Variants in IGSF23 observed in about 807,000 individuals in gnomAD.
IGSF23 encodes immunoglobulin superfamily member 23.
In IGSF23, 14 loss-of-function variants were observed where a neutral mutation model predicts 17.8. The observed-to-expected ratio is 0.79, with a 90% confidence interval of 0.52 to 1.23. The LOEUF is 1.23. IGSF23 is among the 50% of genes most tolerant of loss of function. The probability of loss-of-function intolerance (pLI) is 0.00; values close to 1 mark genes in which losing one functional copy is unlikely to be tolerated. For synonymous variants in IGSF23, 85 were observed against 92.5 expected (o/e 0.92, Z 0.46); for missense variants, 214 against 241.7 (o/e 0.89, Z 0.76).
At chr19:44,635,191 T>C in intron 3 of IGSF23, among the ~76,000 whole-genome samples, 1 of 152,180 alleles carries the variant, frequency 6.6e-6, no homozygotes, top group African/African-American at 2.4e-5. Flanking sequence ...TTCCTCTTCT[T>C]GTAAGGATAC....
intron 3 of IGSF23, among the ~76,000 whole-genome samples, chr19:44,631,324 A>G (rs1029317342): frequency 3.5e-4 from 53 of 152,192 alleles, no homozygotes; most frequent in Admixed American, 2.1e-3. Flanking sequence ...ACAGTGGCTC[A>G]TGCCTGTAAT....
Position 44,620,296 on chromosome 19 carries a change from C to T in IGSF23, c.126-3411C>T, listed in dbSNP as rs576195510. ...CTCCCCTCCCAGAGAATTTATGGAC[C>T]GCTGAGGTTCATCCATCTGTATTTC... On this transcript the variant is annotated intron_variant, in intron 1 of 4. Coordinates refer to ENST00000402988, the MANE Select transcript of IGSF23 (RefSeq NM_001205280.2). Among the ~76,000 whole-genome samples the T allele has an allele frequency of 6.6e-5, 10 of 151,454 alleles. No individual in the cohort carries two copies. The South Asian group carries it at 8.4e-4, about 13-fold the overall frequency.
chr19:44,617,078 G>T (rs952763130), intron 1 of IGSF23, among the ~76,000 whole-genome samples: 5 of 151,782 alleles, frequency 3.3e-5, no homozygotes, highest in African/African-American at 7.3e-5. Flanking sequence ...TTTTATTTTT[G>T]TAGAGACAGG....
chr19:44,630,441 C>T (rs539971348), intron 3 of IGSF23, among the ~76,000 whole-genome samples: 1 of 152,370 alleles, frequency 6.6e-6, no homozygotes, highest in African/African-American at 2.4e-5. Flanking sequence ...CAAGGACACA[C>T]AGCGAATGAA....
intron 1 of IGSF23, chr19:44,614,119 A>C: frequency 1.7e-6 from 1 of 583,068 alleles, no homozygotes; most frequent in Non-Finnish European, 2.9e-6. Context: ...TCAGGCACCC[A>C]ACTCATGAGA....
At chr19:44,634,324 C>A (rs372692133) in intron 3 of IGSF23, among the ~76,000 whole-genome samples, 25 of 152,308 alleles carry the variant, frequency 1.6e-4, no homozygotes, top group African/African-American at 6.0e-4. Flanking sequence ...ATATTTCAGA[C>A]TCAGCAGTTT....
At chr19:44,614,914 C>T (rs1276985104) in intron 1 of IGSF23, among the ~76,000 whole-genome samples, 1 of 152,174 alleles carries the variant, frequency 6.6e-6, no homozygotes, top group Non-Finnish European at 1.5e-5. Context: ...GATGGGCTGG[C>T]TTCCCAGACC....
rs953871371 is a variant in IGSF23, at chr19:44,623,801, A to G, written c.220A>G (p.Thr74Ala). Reference protein sequence around the residue: ...NYSVILQWVVTMDPEPVLSWT... With the variant: ...NYSVILQWVVAMDPEPVLSWT... ...TTCTGTGATCCTGCAGTGGGTGGTG[A>G]CAATGGACCCTGAGCCTGTGCTGAG... is the stretch of plus-strand genomic sequence containing the variant. Residue 74 changes from threonine (T) to alanine (A), a missense_variant, in exon 2 of 5, where the codon ACA (threonine) becomes GCA (alanine). By Grantham distance (58) the Thr-to-Ala change is moderately conservative. Transcript: ENST00000402988. 1.4e-5 allele frequency: 22 copies of G among 1,550,822 alleles called. No individual in the cohort carries two copies. Among genetic ancestry groups the G allele is most frequent in the Non-Finnish European group, 1.8e-5 (21 of 1,147,072 alleles).
chr19:44,629,619 T>C (rs1246789867), intron 3 of IGSF23, among the ~76,000 whole-genome samples: 1 of 149,776 alleles, frequency 6.7e-6, no homozygotes, highest in African/African-American at 2.5e-5. Context: ...ATTGAGCACC[T>C]ATTATATGCT....
chr19:44,628,850 G>C (rs1972709770), intron 3 of IGSF23, among the ~76,000 whole-genome samples: 1 of 152,172 alleles, frequency 6.6e-6, no homozygotes, highest in Admixed American at 6.5e-5. Flanking sequence ...ATTGTGGAGT[G>C]GGGTGGCATT....
intron 2 of IGSF23, among the ~76,000 whole-genome samples, chr19:44,624,938 G>A (rs1972612397): frequency 6.7e-6 from 1 of 149,284 alleles, no homozygotes; most frequent in African/African-American, 2.5e-5. Flanking sequence ...AATTTAATCA[G>A]GCATGGTAAT....
At chr19:44,627,342 G>A in intron 2 of IGSF23, 78 bp from the exon 3 acceptor site, 2 of 1,363,546 alleles carry the variant, frequency 1.5e-6, no homozygotes, top group Non-Finnish European at 2.0e-6. Context: ...CACTTGGGAG[G>A]GGGAATGGCA....
At chr19:44,633,607 G>A (rs1466804539) in intron 3 of IGSF23, among the ~76,000 whole-genome samples, 1 of 152,086 alleles carries the variant, frequency 6.6e-6, no homozygotes, top group Admixed American at 6.6e-5. Context: ...TATACTTCAG[G>A]GGCTTTACCA....
intron 4 of IGSF23, among the ~76,000 whole-genome samples, chr19:44,635,904 A>G (rs924075407): frequency 2.0e-5 from 3 of 152,226 alleles, no homozygotes; most frequent in South Asian, 2.1e-4. Context: ...TTCATGGGTC[A>G]TCCATTTGGG....
chr19:44,628,433 T>C (rs1197219959), intron 3 of IGSF23, among the ~76,000 whole-genome samples: 1 of 151,966 alleles, frequency 6.6e-6, no homozygotes, highest in East Asian at 1.9e-4. Context: ...AGAAACACAA[T>C]GAATGAGTGA....
intron 3 of IGSF23, among the ~76,000 whole-genome samples, chr19:44,631,221 T>C (rs1972759297): frequency 6.6e-6 from 1 of 152,188 alleles, no homozygotes; most frequent in East Asian, 1.9e-4. Context: ...GAGCCATTAT[T>C]GCTCTACTGC....
chr19:44,633,895 GC>G (rs1972825039), intron 3 of IGSF23, among the ~76,000 whole-genome samples: 5 of 152,112 alleles, frequency 3.3e-5, no homozygotes, highest in Admixed American at 3.3e-4. Flanking sequence ...CGCTCTCCTG[GC>G]TCTGCTTTCC....
intron 3 of IGSF23, among the ~76,000 whole-genome samples, chr19:44,630,536 C>T (rs796983034): frequency 7.2e-5 from 11 of 152,350 alleles, no homozygotes; most frequent in African/African-American, 1.9e-4. Context: ...CTCACCCAGG[C>T]ACCTCAAGTC....
chr19:44,624,320 G>A (rs1237762780), intron 2 of IGSF23, among the ~76,000 whole-genome samples: 1 of 136,952 alleles, frequency 7.3e-6, no homozygotes, highest in Middle Eastern at 3.9e-3. Flanking sequence ...AGTCTTGCTC[G>A]GTCACCCAGG....
Sources: gnomAD v4.1 joint callset for allele counts (sites outside exome capture counted in the v4.1 genomes callset) on GRCh38, gnomAD v4.1.1 for gene constraint, MANE v1.5 for transcripts, NCBI Gene and HGNC (gene_info 2026-07-23, HGNC 2026-07-21) for gene names.